Variants in SYCP2L observed in about 807,000 individuals in gnomAD.
The protein encoded by SYCP2L is synaptonemal complex protein 2-like.
Under a neutral mutation model 125.8 loss-of-function variants are expected in SYCP2L, and 98 were observed. The ratio of observed to expected loss-of-function variants is 0.78; its 90% CI spans 0.66 to 0.92. The LOEUF is 0.92. Ranked by LOEUF, SYCP2L falls within the 40% of genes least tolerant of loss-of-function variation. The probability of loss-of-function intolerance (pLI) is 0.00; values close to 1 mark genes in which losing one functional copy is unlikely to be tolerated. For missense variants in SYCP2L, 842 were observed against 936.4 expected (o/e 0.90, Z 1.32); for synonymous variants, 317 against 325.4 (o/e 0.97, Z 0.28).
intron 29 of SYCP2L, among the ~76,000 whole-genome samples, chr6:10,971,443 G>C (rs1280144150): frequency 1.5e-5 from 2 of 134,130 alleles, no homozygotes; most frequent in Non-Finnish European, 3.1e-5. Flanking sequence ...GGGCAAGACA[G>C]TGAGACTCTG....
chr6:10,890,811 G>A (rs1346152255), intron 1 of SYCP2L, among the ~76,000 whole-genome samples: 1 of 152,002 alleles, frequency 6.6e-6, no homozygotes, highest in East Asian at 1.9e-4. Context: ...TAGTAGTTTG[G>A]GATCTTAAGT....
intron 28 of SYCP2L, 111 bp downstream of exon 28, chr6:10,961,669 G>C: frequency 9.1e-7 from 1 of 1,102,114 alleles, no homozygotes; most frequent in Non-Finnish European, 1.4e-6. Context: ...TAATGAAATA[G>C]CTGCATCTTT....
At chr6:10,887,720 G>T (rs1052685927) in intron 1 of SYCP2L, among the ~76,000 whole-genome samples, 8 of 152,196 alleles carry the variant, frequency 5.3e-5, no homozygotes, top group Admixed American at 1.3e-4. Flanking sequence ...ACGGTGGGCC[G>T]GTAGTTTGTT....
rs555374452 is a variant in SYCP2L, at chr6:10,928,502, T to C, written c.1488+52T>C. The C allele has an allele frequency of 2.5e-4, 382 of 1,498,990 alleles. 3 individuals are homozygous for C. In the South Asian group the frequency reaches 5.1e-3, roughly 20 times the overall value. The allele number at this position is 1,498,990 out of a possible 1,614,324, so 92.9% of individuals were successfully genotyped here. A position where few individuals can be genotyped will look rare whatever the true frequency, so the allele number is the denominator to read the frequency against. ...TTCTTATCTGTCTCCAGTGGGACTG[T>C]GACAGGTGGAAGCCACCTTTCCTGG... On this transcript the variant is annotated intron_variant, in intron 18 of 29. Coordinates refer to ENST00000283141, the MANE Select transcript of SYCP2L (RefSeq NM_001040274.3).
At chr6:10,926,839 G>T (rs59606656) in intron 16 of SYCP2L, among the ~76,000 whole-genome samples, 2,993 of 151,388 alleles carry the variant, frequency 0.02, 98 homozygotes, top group African/African-American at 0.069. Context: ...GAGTGCAGTG[G>T]CACGATCTCG....
intron 16 of SYCP2L, 133 bp downstream of exon 16, chr6:10,926,565 A>AATT: frequency 1.6e-6 from 1 of 637,482 alleles, no homozygotes; most frequent in Non-Finnish European, 2.8e-6. Context: ...GAGGAAGAAG[A>AATT]GTTGCTGATA....
At chr6:10,939,206 T>A (rs1019090449) in intron 21 of SYCP2L, among the ~76,000 whole-genome samples, 13 of 151,984 alleles carry the variant, frequency 8.6e-5, no homozygotes, top group Non-Finnish European at 1.9e-4. Flanking sequence ...ATCTGAAAAC[T>A]ATAAGACATT....
intron 21 of SYCP2L, among the ~76,000 whole-genome samples, chr6:10,939,961 G>T (rs1781184410): frequency 6.6e-6 from 1 of 152,062 alleles, no homozygotes; most frequent in African/African-American, 2.4e-5. Flanking sequence ...ATAGGTTAGG[G>T]GTTAATATTC....
At chr6:10,950,741 C>T (rs1781395803) in intron 23 of SYCP2L, among the ~76,000 whole-genome samples, 1 of 152,076 alleles carries the variant, frequency 6.6e-6, no homozygotes, top group South Asian at 2.1e-4. Context: ...GTCACTGCAG[C>T]CTTCGATCTC....
chr6:10,911,894 C>CTTTTTTTTTTTTT, intron 12 of SYCP2L, among the ~76,000 whole-genome samples: 38 of 50,012 alleles, frequency 7.6e-4, no homozygotes, highest in Admixed American at 1.1e-3. Flanking sequence ...GGAATAAAAG[C>CTTTTTTTTTTTTT]TTTTTTTTTT....
rs1424563442 is a variant in SYCP2L at position 10,893,912 on chromosome 6, A to G, written c.124A>G (p.Lys42Glu). 6.2e-7 allele frequency: 1 copy of G among 1,611,386 alleles called. No homozygotes were observed. The highest frequency in any genetic ancestry group is 1.1e-5 in the South Asian group (1 of 89,886). ...TGCATTCCATGATAAAGGATTTCAGAAAATAAAAGAATACTTTCAACAGAA... is the reference window on the plus strand; with the variant it reads ...TGCATTCCATGATAAAGGATTTCAGGAAATAAAAGAATACTTTCAACAGAA... Reference protein sequence around the residue: ...TDAFHDKGFQKIKEYFQQKES... With the variant: ...TDAFHDKGFQEIKEYFQQKES... Residue 42 changes from lysine (K) to glutamate (E), a missense_variant, in exon 3 of 30, where the codon AAA (lysine) becomes GAA (glutamate). Coordinates refer to ENST00000283141, the MANE Select transcript of SYCP2L (RefSeq NM_001040274.3).
intron 20 of SYCP2L, 41 bp from the exon 21 acceptor site, chr6:10,935,017 A>T (rs1041789103): frequency 6.7e-7 from 1 of 1,501,748 alleles, no homozygotes; most frequent in Admixed American, 2.3e-5. Context: ...ACTTGTTTTT[A>T]ATTATGAATG....
chr6:10,906,214 A>G (rs1780485681), intron 9 of SYCP2L, among the ~76,000 whole-genome samples, 160 bp downstream of exon 9: 1 of 152,052 alleles, frequency 6.6e-6, no homozygotes, highest in African/African-American at 2.4e-5. Context: ...CATGCTGGAA[A>G]CTGTAAAGAA....
chr6:10,908,559 CTCT>C (rs914813646), intron 10 of SYCP2L, among the ~76,000 whole-genome samples: 1 of 152,168 alleles, frequency 6.6e-6, no homozygotes, highest in Non-Finnish European at 1.5e-5. Flanking sequence ...AACATTTTCC[CTCT>C]TCTTTTAAAA....
intron 2 of SYCP2L, among the ~76,000 whole-genome samples, chr6:10,893,365 T>A (rs974340858): frequency 7.9e-5 from 12 of 152,236 alleles, no homozygotes; most frequent in Non-Finnish European, 1.3e-4. Context: ...ATTTCATTCA[T>A]TATGGTCAAT....
chr6:10,928,692 C>G (rs1780940103), intron 18 of SYCP2L, among the ~76,000 whole-genome samples: 1 of 152,206 alleles, frequency 6.6e-6, no homozygotes, highest in African/African-American at 2.4e-5. Flanking sequence ...GTGGTGCCAC[C>G]ACGCCTGGCT....
chr6:10,909,336 C>T (rs1371226773), intron 10 of SYCP2L, among the ~76,000 whole-genome samples: 2 of 152,066 alleles, frequency 1.3e-5, no homozygotes, highest in Non-Finnish European at 2.9e-5. Flanking sequence ...CCATGTTGGT[C>T]AGGCTGGTCT....
intron 29 of SYCP2L, among the ~76,000 whole-genome samples, chr6:10,964,110 A>G (rs1781639617): frequency 1.3e-5 from 2 of 151,904 alleles, no homozygotes; most frequent in Admixed American, 1.3e-4. Context: ...GGCACCCGCC[A>G]CCACGCCCGG....
intron 25 of SYCP2L, 107 bp from the exon 26 acceptor site, chr6:10,958,677 C>A: frequency 9.8e-7 from 1 of 1,022,826 alleles, no homozygotes; most frequent in Non-Finnish European, 1.4e-6. Context: ...CTCACATTTG[C>A]TATGAATATT....
Sources: allele counts gnomAD v4.1 joint callset (sites outside exome capture counted in the v4.1 genomes callset), GRCh38; gene constraint gnomAD v4.1.1; transcripts MANE v1.5; gene names NCBI Gene and HGNC (gene_info 2026-07-23, HGNC 2026-07-21).